Variants in TTC28 observed in about 807,000 individuals in gnomAD.
TTC28 encodes the protein tetratricopeptide repeat domain 28.
In TTC28, 61 loss-of-function variants were observed where a neutral mutation model predicts 198.0. The ratio of observed to expected loss-of-function variants is 0.31; its 90% CI spans 0.25 to 0.38. The LOEUF (loss-of-function observed/expected upper bound fraction) is 0.38, where lower values mean the gene tolerates loss of function less well. Ranked by LOEUF, TTC28 falls within the 10% of genes least tolerant of loss-of-function variation. The pLI, the probability that TTC28 is intolerant of heterozygous loss-of-function variation, is 1.00. For synonymous variants in TTC28, 1,171 were observed against 1,297.8 expected (o/e 0.90, Z 2.10); for missense variants, 2,678 against 3,164.0 (o/e 0.85, Z 3.69).
chr22:28,359,037 T>C (rs2046119417), intron 2 of TTC28, among the ~76,000 whole-genome samples: 1 of 152,184 alleles, frequency 6.6e-6, no homozygotes, highest in Non-Finnish European at 1.5e-5. Context: ...AATCAATTCC[T>C]AAGATATCAC....
intron 2 of TTC28, among the ~76,000 whole-genome samples, chr22:28,347,191 G>A (rs2045915760): frequency 6.6e-6 from 1 of 151,246 alleles, no homozygotes; most frequent in Non-Finnish European, 1.5e-5. Context: ...TTGAACCCAG[G>A]AGGTGGAGGT....
intron 2 of TTC28, among the ~76,000 whole-genome samples, chr22:28,591,743 T>C (rs1315390060): frequency 6.6e-6 from 1 of 151,800 alleles, no homozygotes; most frequent in South Asian, 2.1e-4. Flanking sequence ...TGTCTGGGAG[T>C]GAAAATGGAC....
rs188130370 is a variant in TTC28 at position 28,356,226 on chromosome 22, C to T, written c.382-49583G>A. Among the ~76,000 whole-genome samples, 299 of 152,254 alleles carry T rather than the reference C, an allele frequency of 2.0e-3. 1 individual carries two copies. Among genetic ancestry groups the T allele is most frequent in the African/African-American group, 7.0e-3 (292 of 41,556 alleles). On this transcript the variant is annotated intron_variant, in intron 2 of 22. Transcript: ENST00000397906. The stretch of plus-strand genomic sequence containing the variant: ...TACTCTCTTCCCTTCTCTTCAAGGC[C>T]AATCTTTTTAACAAGGTTTGTGTCA...
intron 13 of TTC28, among the ~76,000 whole-genome samples, chr22:28,022,866 G>A (rs1053577959): frequency 1.3e-5 from 2 of 152,230 alleles, no homozygotes; most frequent in Admixed American, 6.5e-5. Flanking sequence ...TTCCCTCCAC[G>A]AACATCCTCA....
At chr22:28,278,172 C>G (rs560997357) in intron 5 of TTC28, among the ~76,000 whole-genome samples, 1 of 152,202 alleles carries the variant, frequency 6.6e-6, no homozygotes, top group East Asian at 1.9e-4. Flanking sequence ...TCTCAGGAAG[C>G]CTGTTTCTCT....
At chr22:28,013,141 A>G (rs1233936031) in intron 14 of TTC28, among the ~76,000 whole-genome samples, 1 of 152,204 alleles carries the variant, frequency 6.6e-6, no homozygotes, top group Non-Finnish European at 1.5e-5. Flanking sequence ...ATCATTGTGC[A>G]GATGTGGTTT....
intron 2 of TTC28, among the ~76,000 whole-genome samples, chr22:28,360,111 T>C (rs900942863): frequency 6.6e-6 from 1 of 152,174 alleles, no homozygotes; most frequent in Non-Finnish European, 1.5e-5. Context: ...TTTCCCTCTC[T>C]CCTCTCTTCT....
rs1205360538 is a variant in TTC28, at chr22:27,999,258, A to G, written c.4401T>C (p.Ser1467=). 1.3e-6 allele frequency: 2 copies of G among 1,546,714 alleles called. No individual in the cohort carries two copies. Among genetic ancestry groups the G allele is most frequent in the African/African-American group, 2.7e-5 (2 of 73,028 alleles). The change falls in exon 16 of 23, where the codon TCT becomes TCC. Residue 1467 remains serine, a splice_region_variant and synonymous_variant. Transcript: ENST00000397906. Reference sequence around the variant, plus strand: ...ATGTGGGCGGGTTCTTCCGTAAGTGAGACTAGGAGGGGAGGGGACAAAGCA... The same window carrying G: ...ATGTGGGCGGGTTCTTCCGTAAGTGGGACTAGGAGGGGAGGGGACAAAGCA... ...SIRSLSVQSK[S]HLRKNPPTYS...
intron 2 of TTC28, among the ~76,000 whole-genome samples, chr22:28,466,904 G>A (rs2048030133): frequency 6.6e-6 from 1 of 151,180 alleles, no homozygotes; most frequent in Non-Finnish European, 1.5e-5. Flanking sequence ...ACATTAGGAG[G>A]ATATGAGGAG....
intron 2 of TTC28, among the ~76,000 whole-genome samples, chr22:28,390,611 C>G (rs1453012010): frequency 2.0e-5 from 3 of 152,242 alleles, no homozygotes; most frequent in East Asian, 1.9e-4. Flanking sequence ...CCTTCTTTGT[C>G]TCTTTTGATC....
chr22:28,546,398 A>G (rs901808078), intron 2 of TTC28, among the ~76,000 whole-genome samples: 1 of 152,206 alleles, frequency 6.6e-6, no homozygotes, highest in Non-Finnish European at 1.5e-5. Context: ...GTGAGCCGAG[A>G]GGGCACCAAT....
At chr22:28,223,651 G>A (rs1244638299) in intron 5 of TTC28, among the ~76,000 whole-genome samples, 1 of 152,180 alleles carries the variant, frequency 6.6e-6, no homozygotes, top group African/African-American at 2.4e-5. Flanking sequence ...GTAACAGAAG[G>A]TATTTTATAG....
Position 28,123,248 on chromosome 22 carries a change from T to TTTG in TTC28, c.1442-14846_1442-14845insCAA, listed in dbSNP as rs1569151101. Among the ~76,000 whole-genome samples the TTTG allele has an allele frequency of 9.3e-4, 141 of 151,812 alleles. 1 individual carries two copies. The highest frequency in any genetic ancestry group is 3.2e-3 in the African/African-American group (133 of 41,312). ...GTTTCCCACTGTTTCAGGTTTTTTT[T>TTTG]TTTGTTTGTTTGTTTGTTTGTTTTT... On this transcript the variant is annotated intron_variant, in intron 6 of 22. Transcript: ENST00000397906.
intron 2 of TTC28, among the ~76,000 whole-genome samples, chr22:28,607,440 T>C (rs1467753283): frequency 6.6e-6 from 1 of 152,160 alleles, no homozygotes; most frequent in Non-Finnish European, 1.5e-5. Context: ...AAAAATTCCC[T>C]CTCCTGATTA....
intron 12 of TTC28, among the ~76,000 whole-genome samples, chr22:28,049,994 C>T (rs962478089): frequency 6.6e-6 from 1 of 152,118 alleles, no homozygotes; most frequent in Admixed American, 6.5e-5. Context: ...TTATTAATGA[C>T]AGCTGAAGTC....
Position 27,982,026 on chromosome 22 carries a change from G to A in TTC28, c.*195C>T. On this transcript the variant is annotated 3_prime_UTR_variant, in exon 23 of 23. Transcript: ENST00000397906. The surrounding 1 kb of genome is among the most constrained non-coding windows in gnomAD (Gnocchi z 5.2). The stretch of plus-strand genomic sequence containing the variant: ...CTGTACCAGCCCCACAGAAGTCCTG[G>A]CTTTTGGTGAATGTGGCCCAGAAAA... 2 of 508,240 alleles carry A rather than the reference G, an allele frequency of 3.9e-6. No homozygotes were observed. The highest frequency in any genetic ancestry group is 5.3e-5 in the South Asian group (1 of 18,914). The allele number at this position is 508,240 out of a possible 1,614,324, so 31.5% of individuals were successfully genotyped here. A position where few individuals can be genotyped will look rare whatever the true frequency, so the allele number is the denominator to read the frequency against.
chr22:28,266,175 G>C (rs957407797), intron 5 of TTC28, among the ~76,000 whole-genome samples: 6 of 140,572 alleles, frequency 4.3e-5, no homozygotes, highest in African/African-American at 1.6e-4. Context: ...GCGAGACTCT[G>C]TCTCAAAAAA....
chr22:28,111,001 T>A (rs1239242845), intron 6 of TTC28, among the ~76,000 whole-genome samples: 2 of 151,624 alleles, frequency 1.3e-5, no homozygotes, highest in African/African-American at 4.9e-5. Flanking sequence ...TAAGGGGATA[T>A]ATGATCCCAA....
At chr22:28,019,259 A>AT (rs1239594419) in intron 13 of TTC28, among the ~76,000 whole-genome samples, 4 of 150,648 alleles carry the variant, frequency 2.7e-5, no homozygotes, top group East Asian at 2.0e-4. Context: ...TTTTTAAAAA[A>AT]TTTTTTTTTT....
Sources: gnomAD v4.1 joint callset for allele counts (sites outside exome capture counted in the v4.1 genomes callset) on GRCh38, gnomAD v4.1.1 for gene constraint, Gnocchi (gnomAD v3.1) non-coding constraint, MANE v1.5 for transcripts, NCBI Gene and HGNC (gene_info 2026-07-23, HGNC 2026-07-21) for gene names.